Variants in UNC79 observed in about 807,000 individuals in gnomAD.
UNC79 encodes the protein protein unc-79 homolog.
In UNC79, 37 loss-of-function variants were observed where a neutral mutation model predicts 283.1. The ratio of observed to expected loss-of-function variants is 0.13; its 90% confidence interval spans 0.10 to 0.17. The LOEUF is 0.17. UNC79 is among the 10% of genes least tolerant of loss of function. The probability of loss-of-function intolerance (pLI) is 1.00; values close to 1 mark genes in which losing one functional copy is unlikely to be tolerated. For synonymous variants in UNC79, 1,107 were observed against 1,200.2 expected, an observed-to-expected ratio of 0.92 and a Z score of 1.61; for missense variants, 2,272 against 3,211.1, an observed-to-expected ratio of 0.71 and a Z score of 7.07.
At chr14:93,558,426 G>C (rs1324283156) in intron 14 of UNC79, among the ~76,000 whole-genome samples, 2 of 151,788 alleles carry the variant, frequency 1.3e-5, no homozygotes, top group Non-Finnish European at 2.9e-5. Flanking sequence ...TGCGGTGGCG[G>C]GTGCCTGTAG....
intron 14 of UNC79, among the ~76,000 whole-genome samples, chr14:93,563,963 T>C (rs750837023): frequency 2.6e-5 from 4 of 152,036 alleles, no homozygotes; most frequent in Non-Finnish European, 4.4e-5. Context: ...GAGTTGAGCA[T>C]AGTTCATGAT....
Position 93,690,019 on chromosome 14 carries a change from G to A in UNC79, c.7086-98G>A. ...TTTTGTTTTATGTGATTGCCTGCAA[G>A]ACCACACTTTCAATCCCTTCCTTCA... On this transcript the variant is annotated intron_variant, in intron 44 of 48. Coordinates refer to ENST00000555664, the Ensembl canonical transcript of UNC79. This position sits in a 1 kb window ranked among gnomAD's most constrained non-coding sequence, Gnocchi z 4.3. 2.2e-6 allele frequency: 3 copies of A among 1,368,684 alleles called. No homozygotes were observed. In the Admixed American group the frequency reaches 5.9e-5, roughly 27 times the overall value. 84.8% of individuals were successfully genotyped at this position (1,368,684 alleles called of 1,614,324 possible).
intron 1 of UNC79, among the ~76,000 whole-genome samples, chr14:93,394,181 T>C (rs2054941044): frequency 6.6e-6 from 1 of 152,064 alleles, no homozygotes; most frequent in South Asian, 2.1e-4. Context: ...ATTTGCCTTA[T>C]TTAGCTAAGC....
intron 4 of UNC79, among the ~76,000 whole-genome samples, chr14:93,478,250 C>T (rs1343968998): frequency 2.0e-5 from 3 of 152,038 alleles, no homozygotes; most frequent in Admixed American, 6.6e-5. Context: ...TAAAGTGACT[C>T]GAAATTTATG....
chr14:93,373,204 G>C (rs1020510884), intron 1 of UNC79, among the ~76,000 whole-genome samples: 1 of 152,200 alleles, frequency 6.6e-6, no homozygotes, highest in African/African-American at 2.4e-5. Flanking sequence ...ACATATGTTA[G>C]AAGAGAAGAC....
At chr14:93,643,792 C>T in intron 34 of UNC79, 95 bp downstream of exon 37, 1 of 1,522,948 alleles carries the variant, frequency 6.6e-7, no homozygotes, top group Non-Finnish European at 8.8e-7. Context: ...AAACATTCAG[C>T]CACCTTGTAG....
At chr14:93,659,730 T>C (rs138508741) in intron 39 of UNC79, among the ~76,000 whole-genome samples, 9 of 152,220 alleles carry the variant, frequency 5.9e-5, no homozygotes, top group Admixed American at 5.2e-4. Context: ...GTTATCATCA[T>C]CATCATCGAA....
chr14:93,383,462 A>G (rs1022232393), intron 1 of UNC79, among the ~76,000 whole-genome samples: 5 of 152,238 alleles, frequency 3.3e-5, no homozygotes, highest in African/African-American at 1.2e-4. Flanking sequence ...TTGGCTTTCC[A>G]GTACATATGA....
intron 1 of UNC79, among the ~76,000 whole-genome samples, chr14:93,342,097 T>G (rs764251250): frequency 4.6e-4 from 70 of 152,208 alleles, no homozygotes; most frequent in Non-Finnish European, 9.3e-4. Context: ...AGACTCTGTG[T>G]GGGGGCTGCA....
At chr14:93,556,186 A>G (rs972492470) in intron 14 of UNC79, among the ~76,000 whole-genome samples, 1 of 152,188 alleles carries the variant, frequency 6.6e-6, no homozygotes, top group Admixed American at 6.5e-5. Flanking sequence ...GCTGCTGGAC[A>G]ACCCAACATC....
chr14:93,495,234 ACTCC>A (rs1277249666), intron 5 of UNC79, among the ~76,000 whole-genome samples: 1 of 152,080 alleles, frequency 6.6e-6, no homozygotes, highest in Non-Finnish European at 1.5e-5. Flanking sequence ...GGTTTAATTG[ACTCC>A]CAGTTCCGCA....
chr14:93,634,371 C>T, intron 31 of UNC79, 150 bp from the exon 34 acceptor site: 1 of 598,096 alleles, frequency 1.7e-6, no homozygotes, highest in Admixed American at 2.8e-5. Flanking sequence ...AGCAGAGTAC[C>T]TTAATTTTTC....
intron 46 of UNC79, among the ~76,000 whole-genome samples, 162 bp downstream of exon 49, chr14:93,692,108 T>C (rs1403992057): frequency 6.6e-6 from 1 of 152,158 alleles, no homozygotes; most frequent in Non-Finnish European, 1.5e-5. Flanking sequence ...TGCATAAGCA[T>C]TTTGATTAAA....
intron 1 of UNC79, among the ~76,000 whole-genome samples, chr14:93,460,506 CAAA>C (rs33915324): frequency 0.079 from 8,163 of 103,278 alleles, 699 homozygotes; most frequent in African/African-American, 0.25. Flanking sequence ...CAAGACTTCT[CAAA>C]AAAAAAAAAA....
intron 1 of UNC79, among the ~76,000 whole-genome samples, chr14:93,382,669 A>C (rs1035893353): frequency 7.2e-5 from 11 of 152,220 alleles, no homozygotes; most frequent in African/African-American, 2.7e-4. Flanking sequence ...ATGCAGATGA[A>C]GAAATTGAGG....
At chr14:93,453,674 C>T (rs1185878738) in intron 1 of UNC79, among the ~76,000 whole-genome samples, 3 of 152,176 alleles carry the variant, frequency 2.0e-5, no homozygotes, top group Non-Finnish European at 2.9e-5. Flanking sequence ...CTCAGATTCT[C>T]TGATTTCAAA....
At chr14:93,443,223 C>CTAAA (rs58351659) in intron 1 of UNC79, among the ~76,000 whole-genome samples, 7,859 of 144,642 alleles carry the variant, frequency 0.054, 363 homozygotes, top group African/African-American at 0.12. Context: ...GAGTCAGTCT[C>CTAAA]TAAATAAATA....
chr14:93,444,477 G>T (rs2140144493), intron 1 of UNC79, among the ~76,000 whole-genome samples: 1 of 151,750 alleles, frequency 6.6e-6, no homozygotes, highest in Non-Finnish European at 1.5e-5. Flanking sequence ...TTGCACTTTT[G>T]GTATCCTGTT....
intron 1 of UNC79, among the ~76,000 whole-genome samples, chr14:93,417,920 C>T (rs547952049): frequency 3.3e-5 from 5 of 151,810 alleles, no homozygotes; most frequent in Non-Finnish European, 7.4e-5. Flanking sequence ...GTTATACATT[C>T]GTCTAAATTT....
Sources: gnomAD v4.1 joint callset for allele counts (sites outside exome capture counted in the v4.1 genomes callset) on GRCh38, gnomAD v4.1.1 for gene constraint, Gnocchi (gnomAD v3.1) non-coding constraint, MANE v1.5 for transcripts, NCBI Gene and HGNC (gene_info 2026-07-23, HGNC 2026-07-21) for gene names.